Variants in LRRN2 observed in about 807,000 individuals in gnomAD.
LRRN2 encodes the protein leucine rich repeat neuronal 2.
In LRRN2, 10 loss-of-function variants were observed where a neutral mutation model predicts 35.7. The ratio of observed to expected loss-of-function variants is 0.28; its 90% CI spans 0.17 to 0.47. The LOEUF (loss-of-function observed/expected upper bound fraction) is 0.47. Among genes scored for constraint, LRRN2 ranks in the 20% least tolerant of loss-of-function variants. The pLI, the probability that LRRN2 is intolerant of heterozygous loss-of-function variation, is 0.99. For missense variants in LRRN2, 731 were observed against 940.3 expected (o/e 0.78, Z 2.91); for synonymous variants, 391 against 409.6 (o/e 0.95, Z 0.55).
chr1:204,676,285 A>C (rs998282040), intron 1 of LRRN2, among the ~76,000 whole-genome samples: 1 of 152,172 alleles, frequency 6.6e-6, no homozygotes, highest in African/African-American at 2.4e-5. Context: ...GTCCTCTTCC[A>C]AGATTCATGA....
At chr1:204,669,220 T>A (rs1046929263) in intron 1 of LRRN2, among the ~76,000 whole-genome samples, 1 of 152,214 alleles carries the variant, frequency 6.6e-6, no homozygotes. Flanking sequence ...AGTGAATGAC[T>A]TTTGAATCTT....
intron 1 of LRRN2, among the ~76,000 whole-genome samples, chr1:204,650,411 G>C (rs1668197696): frequency 1.3e-5 from 2 of 152,186 alleles, no homozygotes; most frequent in South Asian, 4.1e-4. Context: ...ACCCCTCAGG[G>C]ACACACTCAG....
At chr1:204,628,142 C>T (rs1319397892) in intron 1 of LRRN2, 2 of 152,192 alleles carry the variant, frequency 1.3e-5, no homozygotes, top group African/African-American at 2.4e-5. Flanking sequence ...TGGGCAATAC[C>T]CGGGCCACTC....
chr1:204,628,918 T>G (rs1667589776), intron 1 of LRRN2: 1 of 152,290 alleles, frequency 6.6e-6, no homozygotes, highest in Non-Finnish European at 1.5e-5. Flanking sequence ...AGAAGAGTTC[T>G]AAATGTCCCA....
At chr1:204,649,361 G>A (rs1323988350) in intron 1 of LRRN2, among the ~76,000 whole-genome samples, 1 of 152,174 alleles carries the variant, frequency 6.6e-6, no homozygotes, top group Non-Finnish European at 1.5e-5. Flanking sequence ...CTCTGTATCC[G>A]CAGCTCACGG....
chr1:204,644,432 C>T (rs185777429), intron 1 of LRRN2, among the ~76,000 whole-genome samples: 102 of 152,262 alleles, frequency 6.7e-4, no homozygotes, highest in Middle Eastern at 3.4e-3. Context: ...CCCATGCCTG[C>T]CCACCTCTTC....
intron 1 of LRRN2, chr1:204,664,654 G>T (rs890598810): frequency 5.3e-5 from 8 of 152,168 alleles, no homozygotes; most frequent in African/African-American, 1.7e-4. Flanking sequence ...GACCCTTCTT[G>T]CTTAAGCCCC....
intron 1 of LRRN2, among the ~76,000 whole-genome samples, chr1:204,641,673 T>C (rs1459605403): frequency 2.0e-5 from 3 of 152,214 alleles, no homozygotes; most frequent in African/African-American, 7.2e-5. Flanking sequence ...AGCTAGTACA[T>C]GTATTAACAA....
rs770619938 is a variant in LRRN2, at chr1:204,619,872, A to G, written c.121T>C (p.Tyr41His). 1 of 1,613,868 alleles carries G rather than the reference A, an allele frequency of 6.2e-7. No individual in the cohort carries two copies. The highest frequency in any genetic ancestry group is 1.3e-5 in the African/African-American group (1 of 75,046). Residue 41 changes from tyrosine to histidine, a missense_variant, in exon 2 of 2, where the codon TAT (tyrosine) becomes CAT (histidine). By Grantham distance (83) the Tyr-to-His change is moderately conservative (BLOSUM62 2). Around this residue, in one of 3 missense-constraint regions of LRRN2, gnomAD observed 246 missense variants for 289.5 expected, o/e 0.85. Transcript: ENST00000367177. ...TCGCGGTAGGACGAGCGGGGCGTATACCAGGGCCGGATCTGGCAGGCACAC... is the reference window on the plus strand; with the variant it reads ...TCGCGGTAGGACGAGCGGGGCGTATGCCAGGGCCGGATCTGGCAGGCACAC... Reference protein sequence around the residue: ...PQCACQIRPWYTPRSSYREAT... With the variant: ...PQCACQIRPWHTPRSSYREAT...
At chr1:204,635,185 A>G (rs1040636215) in intron 1 of LRRN2, among the ~76,000 whole-genome samples, 3 of 152,216 alleles carry the variant, frequency 2.0e-5, no homozygotes, top group Non-Finnish European at 2.9e-5. Flanking sequence ...GTTGTTCTCA[A>G]CAAGGATCTT....
chr1:204,656,760 G>T (rs933462344), intron 1 of LRRN2, among the ~76,000 whole-genome samples: 1 of 152,282 alleles, frequency 6.6e-6, no homozygotes, highest in South Asian at 2.1e-4. Context: ...CCTAAAGCCT[G>T]TCTTTTTCTT....
chr1:204,633,627 G>A (rs1040968663), intron 1 of LRRN2, among the ~76,000 whole-genome samples: 4 of 152,186 alleles, frequency 2.6e-5, no homozygotes, highest in Non-Finnish European at 5.9e-5. Context: ...CCACTTCTCA[G>A]ATGTGAGAAG....
At chr1:204,625,368 G>A (rs571799203) in intron 1 of LRRN2, among the ~76,000 whole-genome samples, 2 of 152,200 alleles carry the variant, frequency 1.3e-5, no homozygotes, top group East Asian at 3.9e-4. Flanking sequence ...ACATTGGATT[G>A]GAGCAAAAGT....
Position 204,618,200 on chromosome 1 carries a change from TGCAG to T in LRRN2, c.1789_1792del (p.Leu597LysfsTer28). ...GGTGTGGGCATCAGCAAAGGCCACT[TGCAG>T]GCAGGCCCAGTACTCCGTGGCCTGA... is the stretch of plus-strand genomic sequence containing the variant. On this transcript the variant is annotated frameshift_variant, in exon 2 of 2. Transcript: ENST00000367177. LOFTEE classifies it high-confidence loss of function. 1 of 1,614,150 alleles carries T rather than the reference TGCAG, an allele frequency of 6.2e-7. No homozygotes were observed. The highest frequency in any genetic ancestry group is 8.5e-7 in the Non-Finnish European group (1 of 1,180,014).
chr1:204,629,448 C>T (rs930462061), intron 1 of LRRN2: 2 of 152,976 alleles, frequency 1.3e-5, no homozygotes, highest in Non-Finnish European at 1.5e-5. Flanking sequence ...CCCAAATCGC[C>T]TCTTGAATTG....
At chr1:204,650,019 C>T (rs914564392) in intron 1 of LRRN2, among the ~76,000 whole-genome samples, 2 of 152,352 alleles carry the variant, frequency 1.3e-5, no homozygotes, top group South Asian at 4.1e-4. Context: ...GGCAGCTCCC[C>T]TGTGGGCTGA....
intron 1 of LRRN2, chr1:204,626,677 G>A (rs1215057409): frequency 6.6e-6 from 1 of 152,108 alleles, no homozygotes; most frequent in East Asian, 1.9e-4. Flanking sequence ...AGGAAAGGAT[G>A]GTTTGTTACG....
Position 204,619,613 on chromosome 1 carries a change from T to C in LRRN2, c.380A>G (p.Asn127Ser). 5 of 1,614,170 alleles carry C rather than the reference T, an allele frequency of 3.1e-6. No homozygotes were observed. The highest frequency in any genetic ancestry group is 4.2e-6 in the Non-Finnish European group (5 of 1,180,028). Residue 127 changes from asparagine to serine, a missense_variant, in exon 2 of 2, where the codon AAC becomes AGC. Coordinates refer to ENST00000367177, the MANE Select transcript of LRRN2 (RefSeq NM_201630.2). Reference sequence around the variant, plus strand: ...GTGGTCCTCCAGCCGGGTCAGCTGGTTCTCCTCTAGGTGCAGGCTCAGCAG... The same window carrying C: ...GTGGTCCTCCAGCCGGGTCAGCTGGCTCTCCTCTAGGTGCAGGCTCAGCAG... ...PQLLSLHLEE[N>S]QLTRLEDHSF... is the part of the protein sequence containing the mutation.
intron 1 of LRRN2, among the ~76,000 whole-genome samples, chr1:204,663,700 C>T (rs549198164): frequency 6.6e-6 from 1 of 152,230 alleles, no homozygotes; most frequent in Non-Finnish European, 1.5e-5. Context: ...TTATCCTGTG[C>T]GCTGCTTGTT....
Sources: gnomAD v4.1 joint callset for allele counts (sites outside exome capture counted in the v4.1 genomes callset) on GRCh38, gnomAD v4.1.1 for gene constraint, gnomAD v4.1.1 regional missense constraint, MANE v1.5 for transcripts, NCBI Gene and HGNC (gene_info 2026-07-23, HGNC 2026-07-21) for gene names.